ANKRD36: variants seen among roughly 807,000 people sequenced by gnomAD.
ANKRD36 encodes the protein ankyrin repeat domain-containing protein 36A.
A neutral mutation model predicts 278.1 loss-of-function variants in ANKRD36; 179 were observed. The ratio of observed to expected loss-of-function variants is 0.64; its 90% CI spans 0.57 to 0.73. The LOEUF is 0.73. Among genes scored for constraint, ANKRD36 ranks in the 30% least tolerant of loss-of-function variants. The probability of loss-of-function intolerance (pLI) is 0.00; values close to 1 mark genes in which losing one functional copy is unlikely to be tolerated. For missense variants in ANKRD36, 1,159 were observed against 1,956.7 expected, an observed-to-expected ratio of 0.59 and a Z score of 7.69; for synonymous variants, 320 against 641.1, an observed-to-expected ratio of 0.50 and a Z score of 7.57.
intron 6 of ANKRD36, among the ~76,000 whole-genome samples, chr2:97,132,750 A>G (rs2167572): frequency 7.9e-5 from 12 of 152,148 alleles, no homozygotes; most frequent in Middle Eastern, 3.4e-3. Context: ...AGTAAAATTG[A>G]CTCAGGGCAA....
chr2:97,185,864 C>T (rs1394952187), intron 30 of ANKRD36, among the ~76,000 whole-genome samples: 1 of 151,736 alleles, frequency 6.6e-6, no homozygotes, highest in African/African-American at 2.4e-5. Flanking sequence ...GACGTCACAT[C>T]TTATTGCTAA....
At chr2:97,142,614 G>A (rs774233380) in intron 6 of ANKRD36, 26 bp from the exon 7 acceptor site, 6 of 1,606,764 alleles carry the variant, frequency 3.7e-6, no homozygotes, top group Admixed American at 3.3e-5. Flanking sequence ...ACATATGATT[G>A]ATTATGTATC....
Position 97,207,996 on chromosome 2 carries a change from A to G in ANKRD36, c.3255A>G (p.Lys1085=), listed in dbSNP as rs1402883319. Residue 1085 remains lysine, a synonymous_variant, in exon 54 of 76, where the codon AAA becomes AAG. Transcript: ENST00000420699. ...NIARGKKYGE[K]TKRVSSRKKP... ...CCAGAGGAAAAAAGTATGGAGAAAA[A>G]ACTAAGAGAGGTAATTTTGAAAAGA... 6.6e-7 allele frequency: 1 copy of G among 1,521,036 alleles called. No homozygotes were observed. Among genetic ancestry groups the G allele is most frequent in the East Asian group, 2.5e-5 (1 of 40,816 alleles). 94.2% of individuals were successfully genotyped at this position (1,521,036 alleles called of 1,614,324 possible). A position where few individuals can be genotyped will look rare whatever the true frequency, so the allele number is the denominator to read the frequency against.
Position 97,182,242 on chromosome 2 carries a change from G to C in ANKRD36, c.1837+449G>C, listed in dbSNP as rs573069289. On this transcript the variant is annotated intron_variant, in intron 26 of 75. Transcript: ENST00000420699. ...AGCAATGACTTTCCTCAAGGAAGAGGATTGTCAGGCAGGAAGGAGGGAAAA... is the reference window on the plus strand; with the variant it reads ...AGCAATGACTTTCCTCAAGGAAGAGCATTGTCAGGCAGGAAGGAGGGAAAA... Among the ~76,000 whole-genome samples the C allele has an allele frequency of 6.4e-5, 9 of 141,360 alleles. 1 individual carries two copies. In the Admixed American group the frequency reaches 6.6e-4, roughly 10 times the overall value. The allele number at this position is 141,360 out of a possible 152,430, so 92.7% of individuals were successfully genotyped here. A position where few individuals can be genotyped will look rare whatever the true frequency, so the allele number is the denominator to read the frequency against.
chr2:97,194,047 A>G lies in ANKRD36; in HGVS notation c.2450-679A>G, dbSNP rs188838067. 2.2e-3 allele frequency among the ~76,000 whole-genome samples: 328 copies of G among 151,790 alleles called. 1 individual carries two copies. Among genetic ancestry groups the G allele is most frequent in the Non-Finnish European group, 3.5e-3 (240 of 67,852 alleles). On this transcript the variant is annotated intron_variant, in intron 38 of 75. Transcript: ENST00000420699. The stretch of plus-strand genomic sequence containing the variant: ...AATTGATGATATTTTTATTGAGGCT[A>G]ATATATTATCCTTTGGTGGCAAGAT...
At chr2:97,123,726 A>G (rs2037618201) in intron 4 of ANKRD36, among the ~76,000 whole-genome samples, 1 of 141,866 alleles carries the variant, frequency 7.0e-6, no homozygotes, top group African/African-American at 2.5e-5. Flanking sequence ...TTATATATAC[A>G]CACATATGTA....
Position 97,231,647 on chromosome 2 carries a change from A to C in ANKRD36, c.3952-2083A>C, listed in dbSNP as rs536009499. On this transcript the variant is annotated intron_variant, in intron 67 of 75. Transcript: ENST00000420699. ...ACACGGTGCACTGCACCCACTGTCC[A>C]GCACCCACTGTCTGGCACTCTTTAG... Among the ~76,000 whole-genome samples the C allele has an allele frequency of 5.9e-5, 9 of 152,202 alleles. No homozygotes were observed. In the East Asian group the frequency reaches 1.8e-3, roughly 30 times the overall value.
In ANKRD36 at chr2:97,113,793, G is replaced by C. The variant is rs1292374171; in HGVS notation, c.54G>C (p.Ser18=). The change falls in exon 1 of 76, where the codon TCG becomes TCC. Residue 18 remains serine, a synonymous_variant. Coordinates refer to ENST00000420699, the MANE Select transcript of ANKRD36 (RefSeq NM_001354587.1). ...CCACCCTCATGGAGCGCTTGTGCTC[G>C]GATGGCTTCGCATTTCCCCAATACC... ...RWPTLMERLC[S]DGFAFPQYPI... 3.1e-6 allele frequency: 5 copies of C among 1,612,974 alleles called. No individual in the cohort carries two copies. Among genetic ancestry groups the C allele is most frequent in the Non-Finnish European group, 4.2e-6 (5 of 1,179,996 alleles).
chr2:97,189,151 T>A lies in ANKRD36; in HGVS notation c.2172+36T>A, dbSNP rs1214626890. ...TCTCGTTTACATTGTGAACTAGTAA[T>A]TCTATAGTCTATGAAACATACTTCA... is the stretch of plus-strand genomic sequence containing the variant. On this transcript the variant is annotated intron_variant, in intron 33 of 75. Coordinates refer to ENST00000420699, the MANE Select transcript of ANKRD36 (RefSeq NM_001354587.1). 3 of 754,966 alleles carry A rather than the reference T, an allele frequency of 4.0e-6. 1 individual carries two copies. The highest frequency in any genetic ancestry group is 2.5e-5 in the East Asian group (1 of 40,800). The allele number at this position is 754,966 out of a possible 1,614,324, so 46.8% of individuals were successfully genotyped here.
At chr2:97,143,379 A>C (rs1350286742) in intron 8 of ANKRD36, among the ~76,000 whole-genome samples, 1 of 152,096 alleles carries the variant, frequency 6.6e-6, no homozygotes, top group Non-Finnish European at 1.5e-5. Flanking sequence ...CTCACTTCAG[A>C]TGCATTTGGA....
At chr2:97,121,459 T>TG (rs1253327810) in intron 3 of ANKRD36, among the ~76,000 whole-genome samples, 1 of 152,014 alleles carries the variant, frequency 6.6e-6, no homozygotes, top group Non-Finnish European at 1.5e-5. Context: ...GCTAACACGG[T>TG]GAAACCCCCT....
intron 52 of ANKRD36, among the ~76,000 whole-genome samples, chr2:97,206,744 G>C (rs1488945884): frequency 1.3e-5 from 2 of 151,494 alleles, no homozygotes; most frequent in Non-Finnish European, 3.0e-5. Context: ...CTGGAAGAAG[G>C]AAGCAATCCT....
rs536627643 is a variant in ANKRD36, at chr2:97,200,192, AT to A, written c.2756-141del. On this transcript the variant is annotated intron_variant, in intron 44 of 75. Transcript: ENST00000420699. ...TTCAGTGTATTTCTGTCATGTTCTG[AT>A]CCCCAGACACAAAGTAGAAGCCATC... 7.3e-5 allele frequency: 109 copies of A among 1,487,568 alleles called. No homozygotes were observed. In the Middle Eastern group the frequency reaches 2.2e-3, roughly 29 times the overall value. The allele number at this position is 1,487,568 out of a possible 1,614,324, so 92.1% of individuals were successfully genotyped here.
rs574232886 is a variant in ANKRD36, at chr2:97,208,187, G to A, written c.3265+181G>A. Among the ~76,000 whole-genome samples the A allele has an allele frequency of 4.4e-4, 64 of 146,174 alleles. 4 individuals carry two copies. Among genetic ancestry groups the A allele is most frequent in the South Asian group, 3.6e-3 (17 of 4,706 alleles). ...GCTGCTGGTCTGGAACATGATCTTC[G>A]CAGTAAGATTATACACTTCCCCACA... is the stretch of plus-strand genomic sequence containing the variant. On this transcript the variant is annotated intron_variant, in intron 54 of 75. Transcript: ENST00000420699.
chr2:97,150,644 A>G (rs886380733), intron 12 of ANKRD36, among the ~76,000 whole-genome samples: 16 of 152,264 alleles, frequency 1.1e-4, no homozygotes, highest in South Asian at 1.0e-3. Context: ...AAAATATGTC[A>G]TATAGAAGAA....
intron 52 of ANKRD36, among the ~76,000 whole-genome samples, chr2:97,206,851 C>T (rs1474203834): frequency 6.6e-6 from 1 of 151,434 alleles, no homozygotes; most frequent in East Asian, 1.9e-4. Flanking sequence ...AGAAATCAGA[C>T]AAACTTGAAT....
chr2:97,182,186 G>A (rs560953998), intron 26 of ANKRD36, among the ~76,000 whole-genome samples: 3 of 151,254 alleles, frequency 2.0e-5, no homozygotes, highest in African/African-American at 7.3e-5. Flanking sequence ...CATAAACACT[G>A]TAGAACGAGA....
intron 67 of ANKRD36, among the ~76,000 whole-genome samples, chr2:97,231,145 C>T (rs1217254188): frequency 1.6e-4 from 24 of 152,114 alleles, no homozygotes; most frequent in Non-Finnish European, 5.9e-5. Context: ...CAGCTGCATG[C>T]TGGGAGAACC....
chr2:97,180,730 T>C (rs2055938054), intron 24 of ANKRD36, among the ~76,000 whole-genome samples: 1 of 151,660 alleles, frequency 6.6e-6, no homozygotes, highest in African/African-American at 2.4e-5. Flanking sequence ...TAATGAAACT[T>C]CCTTAGAGAC....
Sources: allele counts gnomAD v4.1 joint callset (sites outside exome capture counted in the v4.1 genomes callset), GRCh38; gene constraint gnomAD v4.1.1; transcripts MANE v1.5; gene names NCBI Gene and HGNC (gene_info 2026-07-23, HGNC 2026-07-21).